The following UMODL1 variants were observed in gnomAD, a reference collection of about 807,000 sequenced individuals.
UMODL1 encodes the protein uromodulin like 1.
Under a neutral mutation model 136.3 loss-of-function variants are expected in UMODL1, and 128 were observed. That is an observed-to-expected ratio of 0.94 (90% CI 0.81 to 1.09). The LOEUF (loss-of-function observed/expected upper bound fraction) is 1.09, where lower values mean the gene tolerates loss of function less well. UMODL1 is among the 50% of genes least tolerant of loss of function. The pLI, the probability that UMODL1 is intolerant of heterozygous loss-of-function variation, is 0.00. For missense variants in UMODL1, 1,766 were observed against 1,725.6 expected, an observed-to-expected ratio of 1.02 and a Z score of -0.41; for synonymous variants, 721 against 720.0, an observed-to-expected ratio of 1.00 and a Z score of -0.02.
chr21:42,115,129 T>A (rs939039147), intron 13 of UMODL1, among the ~76,000 whole-genome samples: 1 of 152,228 alleles, frequency 6.6e-6, no homozygotes, highest in Non-Finnish European at 1.5e-5. Flanking sequence ...GAGAGCTGTG[T>A]CTTTCTCCTT....
chr21:42,086,537 A>G, intron 4 of UMODL1: 1 of 455,872 alleles, frequency 2.2e-6, no homozygotes, highest in Non-Finnish European at 4.4e-6. Context: ...TAGCTTGTTA[A>G]GGGGACTGCC....
At position 42,123,975 on chromosome 21, in the gene UMODL1, T is replaced by G. The variant is rs1307787823; in HGVS notation, c.3147+825T>G. On this transcript the variant is annotated intron_variant, in intron 17 of 22. Transcript: ENST00000408910. The surrounding 1 kb of genome is among the most constrained non-coding windows in gnomAD (Gnocchi z 4.4). Reference sequence around the variant, plus strand: ...TCCTGGCCTGAGGCCTTCGCACCTCTGTGTGCACAGATGGGCTCTGGCACC... The same window carrying G: ...TCCTGGCCTGAGGCCTTCGCACCTCGGTGTGCACAGATGGGCTCTGGCACC... Among the ~76,000 whole-genome samples, 1 of 152,192 alleles carries G rather than the reference T, an allele frequency of 6.6e-6. No homozygotes were observed. Among genetic ancestry groups the G allele is most frequent in the East Asian group, 1.9e-4 (1 of 5,194 alleles).
chr21:42,074,956 C>T (rs1312473234), intron 1 of UMODL1, among the ~76,000 whole-genome samples: 1 of 151,556 alleles, frequency 6.6e-6, no homozygotes, highest in Non-Finnish European at 1.5e-5. Flanking sequence ...GGGTGGAGTG[C>T]AGTGGCGCAA....
At position 42,085,217 on chromosome 21, in the gene UMODL1, C is replaced by T. The variant is rs886634066; in HGVS notation, c.482-74C>T. The T allele has an allele frequency of 2.6e-5, 40 of 1,562,638 alleles. No homozygotes were observed. Among genetic ancestry groups the T allele is most frequent in the Non-Finnish European group, 1.0e-5 (12 of 1,151,412 alleles). ...GGCCTCTGGTTCCCTCTCCTGCCCC[C>T]TCTCCCACCCCAGCAGCTTTTGTGA... On this transcript the variant is annotated intron_variant, in intron 3 of 22. Coordinates refer to ENST00000408910, the MANE Select transcript of UMODL1 (RefSeq NM_001004416.3). The surrounding 1 kb of genome is among the most constrained non-coding windows in gnomAD (Gnocchi z 4.5).
rs1278963525 is a variant in UMODL1, at chr21:42,085,558, C to A, written c.603+146C>A. ...CAAATGACTGACTCTGAACGAAATT[C>A]TAGTTCTTAAAAAATCAGCTTCAAA... On this transcript the variant is annotated intron_variant, in intron 4 of 22. Coordinates refer to ENST00000408910, the MANE Select transcript of UMODL1 (RefSeq NM_001004416.3). The surrounding 1 kb of genome is among the most constrained non-coding windows in gnomAD (Gnocchi z 4.5). The A allele has an allele frequency of 1.6e-6, 2 of 1,264,084 alleles. No individual in the cohort carries two copies. The highest frequency in any genetic ancestry group is 2.2e-6 in the Non-Finnish European group (2 of 908,652). 78.3% of individuals were successfully genotyped at this position (1,264,084 alleles called of 1,614,324 possible).
chr21:42,095,136 T>G (rs1318133340), intron 6 of UMODL1, among the ~76,000 whole-genome samples: 1 of 136,222 alleles, frequency 7.3e-6, no homozygotes, highest in Non-Finnish European at 1.6e-5. Flanking sequence ...GCTCTGTCAC[T>G]CAGGCTGAAG....
intron 1 of UMODL1, among the ~76,000 whole-genome samples, chr21:42,074,989 C>A (rs1025419492): frequency 1.3e-5 from 2 of 152,114 alleles, no homozygotes; most frequent in African/African-American, 4.8e-5. Flanking sequence ...GCAACCTCCG[C>A]CTCCTGGGTT....
At position 42,128,007 on chromosome 21, in the gene UMODL1, GC is replaced by G. The variant is rs1470396236; in HGVS notation, c.3690+179del. The G allele has an allele frequency of 8.5e-6, 7 of 827,308 alleles. No homozygotes were observed. The East Asian group carries it at 2.0e-4, about 23-fold the overall frequency. The allele number at this position is 827,308 out of a possible 1,614,324, so 51.2% of individuals were successfully genotyped here. A position where few individuals can be genotyped will look rare whatever the true frequency, so the allele number is the denominator to read the frequency against. On this transcript the variant is annotated intron_variant, in intron 20 of 22. Coordinates refer to ENST00000408910, the MANE Select transcript of UMODL1 (RefSeq NM_001004416.3). ...TGAAATGGTATTTCCACGGCAGGCA[GC>G]CCTTGGACGGAGGACTCATGTGGAC...
rs539734988 is a variant in UMODL1, at chr21:42,134,881, C to T, written c.3776-2558C>T. ...CCTTGTGATCCGCCCGCCTCAGCCTCCCAAGGTTCTGGGATTATAGGCGTG... is the reference window on the plus strand; with the variant it reads ...CCTTGTGATCCGCCCGCCTCAGCCTTCCAAGGTTCTGGGATTATAGGCGTG... On this transcript the variant is annotated intron_variant, in intron 21 of 22. Coordinates refer to ENST00000408910, the MANE Select transcript of UMODL1 (RefSeq NM_001004416.3). Among the ~76,000 whole-genome samples, 9 of 152,198 alleles carry T rather than the reference C, an allele frequency of 5.9e-5. No homozygotes were observed. In the South Asian group the frequency reaches 1.2e-3, roughly 21 times the overall value.
chr21:42,133,033 C>T (rs899963372), intron 21 of UMODL1, among the ~76,000 whole-genome samples: 1 of 152,236 alleles, frequency 6.6e-6, no homozygotes, highest in Non-Finnish European at 1.5e-5. Context: ...AGAACAAGGA[C>T]TGTAAATATT....
chr21:42,104,536 G>A (rs1177370019), intron 9 of UMODL1, among the ~76,000 whole-genome samples: 8 of 151,022 alleles, frequency 5.3e-5, no homozygotes, highest in South Asian at 4.2e-4. Flanking sequence ...TGCAACCTCC[G>A]CCTCCTAGGT....
At chr21:42,124,398 G>A (rs1019302359) in intron 17 of UMODL1, among the ~76,000 whole-genome samples, 15 of 152,182 alleles carry the variant, frequency 9.9e-5, no homozygotes, top group East Asian at 1.9e-4. Context: ...GAAGGGGCTC[G>A]ACCTAGAAAG....
At chr21:42,124,708 G>A (rs1001101841) in intron 17 of UMODL1, among the ~76,000 whole-genome samples, 1 of 152,088 alleles carries the variant, frequency 6.6e-6, no homozygotes, top group Non-Finnish European at 1.5e-5. Context: ...AGGCAGGAAT[G>A]GTGGTTCCTG....
Position 42,121,151 on chromosome 21 carries a change from C to T in UMODL1, c.2754C>T (p.Leu918=), listed in dbSNP as rs200700743. ...CVPGTSCRNT[L]GSFTCSCEGG... ...CGGGGACATCCTGTCGAAACACCCT[C>T]GGGTCTTTCACTTGTAGCTGCGAGG... Residue 918 remains leucine, a synonymous_variant, in exon 16 of 23, where the codon CTC becomes CTT. Coordinates refer to ENST00000408910, the MANE Select transcript of UMODL1 (RefSeq NM_001004416.3). The T allele has an allele frequency of 1.8e-5, 29 of 1,614,146 alleles. No homozygotes were observed. The highest frequency in any genetic ancestry group is 1.3e-4 in the Admixed American group (8 of 60,018).
intron 17 of UMODL1, among the ~76,000 whole-genome samples, chr21:42,124,337 G>C (rs917894890): frequency 6.6e-6 from 1 of 152,154 alleles, no homozygotes; most frequent in African/African-American, 2.4e-5. Flanking sequence ...AGGGGCCGGC[G>C]GCTTCAGAGG....
At chr21:42,070,616 C>T (rs2066221349), upstream of UMODL1, among the ~76,000 whole-genome samples, 1 of 152,216 alleles carries the variant, frequency 6.6e-6, no homozygotes, top group Non-Finnish European at 1.5e-5. Context: ...GCTACTAAAA[C>T]TTCATGGTGA....
chr21:42,088,777 C>T (rs1293394090), intron 5 of UMODL1, among the ~76,000 whole-genome samples: 1 of 152,030 alleles, frequency 6.6e-6, no homozygotes, highest in Non-Finnish European at 1.5e-5. Flanking sequence ...GCCTCCTGCC[C>T]CCTCGGCAGG....
At chr21:42,107,902 A>G (rs1445588501) in intron 9 of UMODL1, among the ~76,000 whole-genome samples, 2 of 152,316 alleles carry the variant, frequency 1.3e-5, no homozygotes, top group Admixed American at 1.3e-4. Flanking sequence ...CCCTTGTCCC[A>G]GCTGCGGGGC....
At position 42,099,191 on chromosome 21, in the gene UMODL1, C is replaced by G. The variant is rs1251687856; in HGVS notation, c.1186+11C>G. 1 of 1,608,254 alleles carries G rather than the reference C, an allele frequency of 6.2e-7. No individual in the cohort carries two copies. The highest frequency in any genetic ancestry group is 2.2e-5 in the East Asian group (1 of 44,750). On this transcript the variant is annotated intron_variant, in intron 7 of 22. Transcript: ENST00000408910. This position sits in a 1 kb window ranked among gnomAD's most constrained non-coding sequence, Gnocchi z 4.1. ...TGACCATCAAAACCAGTAAGGCCCC[C>G]AGTCAGAGACCCACGTTAGCTTGCG... is the stretch of plus-strand genomic sequence containing the variant.
Sources: allele counts gnomAD v4.1 joint callset (sites outside exome capture counted in the v4.1 genomes callset), GRCh38; gene constraint gnomAD v4.1.1; non-coding constraint Gnocchi (gnomAD v3.1); transcripts MANE v1.5; gene names NCBI Gene and HGNC (gene_info 2026-07-23, HGNC 2026-07-21).